ZNF385D: variants seen among roughly 807,000 people sequenced by gnomAD.
The protein encoded by ZNF385D is zinc finger protein 385D.
In ZNF385D, 15 loss-of-function variants were observed where a neutral mutation model predicts 35.8. The observed-to-expected ratio is 0.42, with a 90% CI of 0.28 to 0.64. The LOEUF (loss-of-function observed/expected upper bound fraction) is 0.64, where lower values mean the gene tolerates loss of function less well. Among genes scored for constraint, ZNF385D ranks in the 30% least tolerant of loss-of-function variants. The pLI is 0.23. For synonymous variants in ZNF385D, 212 were observed against 186.8 expected, an observed-to-expected ratio of 1.13 and a Z score of -1.10; for missense variants, 474 against 494.6, an observed-to-expected ratio of 0.96 and a Z score of 0.39.
chr3:21,994,561 G>T (rs759645394), intron 3 of ZNF385D, among the ~76,000 whole-genome samples: 17 of 151,698 alleles, frequency 1.1e-4, no homozygotes, highest in Non-Finnish European at 1.9e-4. Flanking sequence ...GGAATCTATT[G>T]CTTGAGAATT....
At chr3:21,919,501 G>A (rs1313544610) in intron 3 of ZNF385D, among the ~76,000 whole-genome samples, 3 of 152,152 alleles carry the variant, frequency 2.0e-5, no homozygotes, top group African/African-American at 7.2e-5. Flanking sequence ...TTCAAAAAAG[G>A]TAAGCAAAAC....
chr3:21,436,799 T>C, intron 5 of ZNF385D, 171 bp downstream of exon 5: 9 of 668,172 alleles, frequency 1.3e-5, no homozygotes, highest in Non-Finnish European at 2.2e-5. Context: ...CCCTTGCCCC[T>C]ATATAAATGA....
At chr3:21,678,096 C>A (rs183898436) in intron 1 of ZNF385D, among the ~76,000 whole-genome samples, 94 of 152,138 alleles carry the variant, frequency 6.2e-4, no homozygotes, top group Non-Finnish European at 1.2e-3. Context: ...ATCCCCGACA[C>A]AAACCCTCAA....
At chr3:22,143,001 T>C (rs1237447321) in intron 3 of ZNF385D, among the ~76,000 whole-genome samples, 1 of 151,078 alleles carries the variant, frequency 6.6e-6, no homozygotes, top group Non-Finnish European at 1.5e-5. Context: ...TCTGGGGTCA[T>C]GAATGACAAT....
chr3:21,625,583 C>G (rs1404846739), intron 2 of ZNF385D, among the ~76,000 whole-genome samples: 3 of 152,034 alleles, frequency 2.0e-5, no homozygotes, highest in Non-Finnish European at 4.4e-5. Context: ...AAGAAAGAGT[C>G]TTAATTTGAC....
chr3:21,923,923 C>A (rs1312643340), intron 3 of ZNF385D, among the ~76,000 whole-genome samples: 1 of 152,122 alleles, frequency 6.6e-6, no homozygotes, highest in Non-Finnish European at 1.5e-5. Flanking sequence ...CAAACCTGCA[C>A]GTGTACCTCC....
intron 3 of ZNF385D, among the ~76,000 whole-genome samples, chr3:22,129,479 A>C (rs558652350): frequency 4.6e-5 from 7 of 152,054 alleles, no homozygotes; most frequent in Non-Finnish European, 8.8e-5. Flanking sequence ...GACTGGTATC[A>C]GGGACTTTAG....
At chr3:21,506,169 C>T (rs1193346724) in intron 4 of ZNF385D, among the ~76,000 whole-genome samples, 1 of 152,164 alleles carries the variant, frequency 6.6e-6, no homozygotes, top group East Asian at 1.9e-4. Flanking sequence ...TGTAATCAGG[C>T]TTGGCCATGT....
At chr3:22,311,212 T>A (rs560817107) in intron 2 of ZNF385D, among the ~76,000 whole-genome samples, 1 of 151,996 alleles carries the variant, frequency 6.6e-6, no homozygotes, top group Non-Finnish European at 1.5e-5. Context: ...CAGATATAAA[T>A]TATTACATGA....
intron 4 of ZNF385D, among the ~76,000 whole-genome samples, chr3:21,498,152 A>C (rs1706062154): frequency 6.6e-6 from 1 of 152,214 alleles, no homozygotes; most frequent in South Asian, 2.1e-4. Context: ...TACTGGGATA[A>C]GTAGTTAGCT....
At chr3:21,790,360 T>C (rs1041402453) in intron 3 of ZNF385D, among the ~76,000 whole-genome samples, 11 of 152,120 alleles carry the variant, frequency 7.2e-5, no homozygotes, top group Admixed American at 5.9e-4. Flanking sequence ...GATCAAATTA[T>C]ACAAAAGGGA....
chr3:22,259,753 C>G (rs1413833173), intron 2 of ZNF385D, among the ~76,000 whole-genome samples: 19 of 152,064 alleles, frequency 1.2e-4, no homozygotes, highest in Non-Finnish European at 1.5e-4. Flanking sequence ...GTTGGTACCA[C>G]TGCCTTGCTT....
chr3:21,886,727 G>T (rs2255031), intron 3 of ZNF385D, among the ~76,000 whole-genome samples: 1 of 151,950 alleles, frequency 6.6e-6, no homozygotes, highest in Non-Finnish European at 1.5e-5. Context: ...TTGCCAAAGA[G>T]AATTATAAGC....
At chr3:22,216,812 G>A (rs1382287855) in intron 2 of ZNF385D, among the ~76,000 whole-genome samples, 1 of 152,024 alleles carries the variant, frequency 6.6e-6, no homozygotes, top group East Asian at 1.9e-4. Context: ...AAAATTATTG[G>A]CAGTGATGTG....
intron 2 of ZNF385D, among the ~76,000 whole-genome samples, chr3:21,618,462 A>C (rs1408305411): frequency 2.0e-5 from 3 of 152,196 alleles, no homozygotes. Flanking sequence ...ACTGTGACAG[A>C]ATAAATTTCT....
chr3:21,979,175 C>A (rs980882549), intron 3 of ZNF385D, among the ~76,000 whole-genome samples: 18 of 151,752 alleles, frequency 1.2e-4, no homozygotes, highest in African/African-American at 3.4e-4. Flanking sequence ...TGGGCTGGGT[C>A]CAAACATTTG....
chr3:22,112,607 A>T (rs1702592378), intron 3 of ZNF385D, among the ~76,000 whole-genome samples: 1 of 152,124 alleles, frequency 6.6e-6, no homozygotes, highest in South Asian at 2.1e-4. Context: ...AAATATTTTG[A>T]TACTTAGCTT....
chr3:21,898,023 T>C (rs1699220358), intron 3 of ZNF385D, among the ~76,000 whole-genome samples: 2 of 152,174 alleles, frequency 1.3e-5, no homozygotes, highest in African/African-American at 4.8e-5. Context: ...TTTATAAACA[T>C]AGAAAGATGA....
chr3:21,726,189 G>C (rs1416938281), intron 1 of ZNF385D, among the ~76,000 whole-genome samples: 1 of 152,118 alleles, frequency 6.6e-6, no homozygotes, highest in African/African-American at 2.4e-5. Flanking sequence ...AAAATAATAA[G>C]AGCTATTTAT....
Sources: allele counts gnomAD v4.1 joint callset (sites outside exome capture counted in the v4.1 genomes callset), GRCh38; gene constraint gnomAD v4.1.1; transcripts MANE v1.5; gene names NCBI Gene and HGNC (gene_info 2026-07-23, HGNC 2026-07-21).